CCN4: variants seen among roughly 807,000 people sequenced by gnomAD.
The protein encoded by CCN4 is CCN family member 4.
CCN4 carries 30 observed loss-of-function variants against 36.7 expected under a neutral mutation model. That is an observed-to-expected ratio of 0.82 (90% CI 0.61 to 1.11). The LOEUF (loss-of-function observed/expected upper bound fraction) is 1.11, where lower values mean the gene tolerates loss of function less well. Among genes scored for constraint, CCN4 ranks in the 50% least tolerant of loss-of-function variants. The pLI is 0.00. For synonymous variants in CCN4, 191 were observed against 195.4 expected, an observed-to-expected ratio of 0.98 and a Z score of 0.19; for missense variants, 505 against 504.9, an observed-to-expected ratio of 1.00 and a Z score of 0.00.
intron 3 of CCN4, among the ~76,000 whole-genome samples, chr8:133,223,014 C>A (rs574012717): frequency 6.6e-6 from 1 of 151,924 alleles, no homozygotes; most frequent in Non-Finnish European, 1.5e-5. Flanking sequence ...CAGAAGCGCC[C>A]GCTCCCTCAG....
At chr8:133,218,167 A>G (rs1340006768) in intron 2 of CCN4, among the ~76,000 whole-genome samples, 2 of 152,104 alleles carry the variant, frequency 1.3e-5, no homozygotes, top group African/African-American at 4.8e-5. Context: ...CCTTGAACAA[A>G]CGAATCATTT....
intron 1 of CCN4, among the ~76,000 whole-genome samples, chr8:133,204,491 AG>A (rs33923375): frequency 0.018 from 2,726 of 152,324 alleles, 80 homozygotes; most frequent in African/African-American, 0.06. Flanking sequence ...AAAATTCCCA[AG>A]GGTTGCTGGT....
chr8:133,211,803 C>T (rs1854048035), intron 1 of CCN4, among the ~76,000 whole-genome samples: 1 of 152,336 alleles, frequency 6.6e-6, no homozygotes, highest in African/African-American at 2.4e-5. Context: ...GACTCAAAGC[C>T]TGGCTCCCGT....
At chr8:133,210,262 T>G (rs576255243) in intron 1 of CCN4, among the ~76,000 whole-genome samples, 21 of 152,232 alleles carry the variant, frequency 1.4e-4, no homozygotes, top group Non-Finnish European at 2.1e-4. Flanking sequence ...CTTTATTTCC[T>G]CTGCCAAGAG....
intron 2 of CCN4, among the ~76,000 whole-genome samples, chr8:133,217,866 TAGCACTGACCTCTCCCTCCAAAG>T (rs1854376961): frequency 6.6e-6 from 1 of 151,366 alleles, no homozygotes; most frequent in African/African-American, 2.4e-5. Context: ...TCCGGGCATC[TAGCACTGACCTCTCCCTCCAAAG>T]TCTCCACATG....
chr8:133,220,461 C>T, intron 2 of CCN4, 120 bp from the exon 3 acceptor site: 1 of 1,434,294 alleles, frequency 7.0e-7, no homozygotes, highest in South Asian at 1.3e-5. Flanking sequence ...TCTGTTCCTC[C>T]TCCATGCTGG....
rs565543904 is a variant in CCN4 at position 133,225,575 on chromosome 8, C to A, written c.796C>A (p.Leu266Ile). 11 of 1,605,314 alleles carry A rather than the reference C, an allele frequency of 6.9e-6. No homozygotes were observed. In the Admixed American group the frequency reaches 1.3e-4, roughly 20 times the overall value. ...LRPCDVDIHTLIKAGKKCLAV... is the reference protein window; with the variant it reads ...LRPCDVDIHTIIKAGKKCLAV... ...GCCATGCGATGTGGACATCCATACA[C>A]TCATTAAGGTGGGTCCAGAGCAGGT... The change falls in exon 4 of 5, where the codon CTC becomes ATC. Residue 266 changes from leucine (L) to isoleucine (I), a missense_variant. Physicochemically the swap from Leu to Ile is conservative, Grantham distance 5 (BLOSUM62 2). Transcript: ENST00000250160.
chr8:133,211,741 A>G (rs1298730461), intron 1 of CCN4, among the ~76,000 whole-genome samples: 2 of 152,206 alleles, frequency 1.3e-5, no homozygotes, highest in Non-Finnish European at 2.9e-5. Context: ...GCCGTCAAGG[A>G]CGAGAAGTGC....
intron 1 of CCN4, among the ~76,000 whole-genome samples, chr8:133,202,278 C>A (rs1428788733): frequency 6.6e-6 from 1 of 152,168 alleles, no homozygotes; most frequent in Non-Finnish European, 1.5e-5. Context: ...AGTGGGCAGG[C>A]CCTTATAAAA....
intron 1 of CCN4, among the ~76,000 whole-genome samples, chr8:133,209,271 G>A (rs940994657): frequency 6.6e-5 from 10 of 152,178 alleles, no homozygotes; most frequent in East Asian, 5.8e-4. Context: ...CTAGGTAAGC[G>A]TCTATGCTGG....
chr8:133,225,728 C>T (rs1052421385), intron 4 of CCN4, 145 bp downstream of exon 4: 15 of 759,428 alleles, frequency 2.0e-5, no homozygotes, highest in East Asian at 8.9e-5. Flanking sequence ...ACAGCTATTT[C>T]GGATAATGCA....
In CCN4 at chr8:133,211,337, C is replaced by T. The variant is rs563258171; in HGVS notation, c.70-1527C>T. Among the ~76,000 whole-genome samples the T allele has an allele frequency of 6.7e-4, 102 of 152,318 alleles. 1 individual carries two copies. Among genetic ancestry groups the T allele is most frequent in the African/African-American group, 1.9e-3 (80 of 41,564 alleles). ...GTTCCCCAATCATAGGGACTTTTAA[C>T]GCTTATCTTCAAATATCTAAAACTT... is the stretch of plus-strand genomic sequence containing the variant. On this transcript the variant is annotated intron_variant, in intron 1 of 4. Coordinates refer to ENST00000250160, the MANE Select transcript of CCN4 (RefSeq NM_003882.4).
chr8:133,204,181 T>C (rs1853684501), intron 1 of CCN4, among the ~76,000 whole-genome samples: 1 of 152,216 alleles, frequency 6.6e-6, no homozygotes, highest in South Asian at 2.1e-4. Context: ...ATACTCCTTT[T>C]GGTTGTCTCC....
At chr8:133,195,214 G>T (rs1354835267) in intron 1 of CCN4, among the ~76,000 whole-genome samples, 6 of 148,894 alleles carry the variant, frequency 4.0e-5, no homozygotes, top group Non-Finnish European at 7.5e-5. Flanking sequence ...TGTATGGTGT[G>T]TGTATGTGTG....
At chr8:133,206,869 T>G (rs1168597134) in intron 1 of CCN4, among the ~76,000 whole-genome samples, 1 of 152,182 alleles carries the variant, frequency 6.6e-6, no homozygotes, top group Non-Finnish European at 1.5e-5. Flanking sequence ...GGACAGGCTT[T>G]TTCATTAGAA....
chr8:133,196,521 G>A (rs1054575222), intron 1 of CCN4, among the ~76,000 whole-genome samples: 1 of 151,888 alleles, frequency 6.6e-6, no homozygotes, highest in Non-Finnish European at 1.5e-5. Context: ...GGCTCTTATT[G>A]TATTTTACTA....
chr8:133,203,195 G>A (rs1465617598), intron 1 of CCN4, among the ~76,000 whole-genome samples: 2 of 152,334 alleles, frequency 1.3e-5, no homozygotes, highest in African/African-American at 4.8e-5. Context: ...GCACCCAGGA[G>A]GCGGGAAAGG....
intron 2 of CCN4, among the ~76,000 whole-genome samples, chr8:133,213,843 T>C (rs1489625445): frequency 7.5e-6 from 1 of 133,580 alleles, no homozygotes; most frequent in South Asian, 2.7e-4. Context: ...ATATACTATA[T>C]ATACACTATA....
At chr8:133,206,036 C>T (rs1232166512) in intron 1 of CCN4, among the ~76,000 whole-genome samples, 4 of 152,172 alleles carry the variant, frequency 2.6e-5, no homozygotes, top group South Asian at 4.1e-4. Context: ...CCCGAGCTCC[C>T]GGGCTTCTTC....
Sources: gnomAD v4.1 joint callset for allele counts (sites outside exome capture counted in the v4.1 genomes callset) on GRCh38, gnomAD v4.1.1 for gene constraint, MANE v1.5 for transcripts, NCBI Gene and HGNC (gene_info 2026-07-23, HGNC 2026-07-21) for gene names.